CBX5: variants seen among roughly 807,000 people sequenced by gnomAD.
CBX5 encodes chromobox protein homolog 5.
CBX5 carries 7 observed loss-of-function variants against 20.7 expected under a neutral mutation model. The ratio of observed to expected loss-of-function variants is 0.34; its 90% CI spans 0.19 to 0.63. The LOEUF is 0.63. Among genes scored for constraint, CBX5 ranks in the 30% least tolerant of loss-of-function variants. CBX5 has a pLI of 0.75. For synonymous variants in CBX5, 78 were observed against 77.0 expected (o/e 1.01, Z -0.07); for missense variants, 110 against 224.1 (o/e 0.49, Z 3.25).
chr12:54,261,555 A>G (rs968188687), intron 1 of CBX5, among the ~76,000 whole-genome samples: 1 of 152,190 alleles, frequency 6.6e-6, no homozygotes, highest in Admixed American at 6.5e-5. Context: ...TGGGCCTCCC[A>G]AAGTGCTGGG....
rs1015281595 is a variant in CBX5, at chr12:54,238,294, C to T, written c.*3461G>A. The T allele has an allele frequency of 2.6e-5, 4 of 152,104 alleles. No individual in the cohort carries two copies. The highest frequency in any genetic ancestry group is 9.7e-5 in the African/African-American group (4 of 41,424). 9.4% of individuals were successfully genotyped at this position (152,104 alleles called of 1,614,324 possible). On this transcript the variant is annotated 3_prime_UTR_variant, in exon 5 of 5. Coordinates refer to ENST00000209875, the MANE Select transcript of CBX5 (RefSeq NM_012117.3). ...TGAGACTACCTCCAAGAATCATCCA[C>T]GGAAGGATGTCAGCCATTTAACCAG...
chr12:54,277,682 A>G (rs1944083607), intron 1 of CBX5, among the ~76,000 whole-genome samples: 1 of 152,228 alleles, frequency 6.6e-6, no homozygotes. Context: ...ATTAAATGGA[A>G]CAATGATCAA....
At chr12:54,251,482 GCACTCCAGC>G (rs1943801704) in intron 3 of CBX5, among the ~76,000 whole-genome samples, 1 of 138,514 alleles carries the variant, frequency 7.2e-6, no homozygotes, top group East Asian at 2.1e-4. Context: ...TAGTGCCACT[GCACTCCAGC>G]CTGGGTGACA....
chr12:54,239,511 G>C lies in CBX5; in HGVS notation c.*2244C>G, dbSNP rs1477219922. On this transcript the variant is annotated 3_prime_UTR_variant, in exon 5 of 5. Coordinates refer to ENST00000209875, the MANE Select transcript of CBX5 (RefSeq NM_012117.3). ...TCTGGCCTATTTTTGTCCTATTCTT[G>C]TCTACCCTAATTGATATCCTTGGCT... 1 of 152,104 alleles carries C rather than the reference G, an allele frequency of 6.6e-6. No homozygotes were observed. The highest frequency in any genetic ancestry group is 2.4e-5 in the African/African-American group (1 of 41,414). 9.4% of individuals were successfully genotyped at this position (152,104 alleles called of 1,614,324 possible).
intron 3 of CBX5, among the ~76,000 whole-genome samples, chr12:54,251,092 T>C (rs1300899305): frequency 6.6e-6 from 1 of 151,072 alleles, no homozygotes; most frequent in South Asian, 2.1e-4. Context: ...GATCGCACTA[T>C]TGCACTCAAG....
rs879083050 is a variant in CBX5, at chr12:54,239,230, C to T, written c.*2525G>A. 3.9e-5 allele frequency: 6 copies of T among 152,124 alleles called. 1 individual carries two copies. Among genetic ancestry groups the T allele is most frequent in the Admixed American group, 2.0e-4 (3 of 15,272 alleles). The allele number at this position is 152,124 out of a possible 1,614,324, so 9.4% of individuals were successfully genotyped here. A position where few individuals can be genotyped will look rare whatever the true frequency, so the allele number is the denominator to read the frequency against. ...GTAGTAGATGATACTGGGGTTATTT[C>T]GGTAAAAGAATATCAGATTTTTATG... On this transcript the variant is annotated 3_prime_UTR_variant, in exon 5 of 5. Coordinates refer to ENST00000209875, the MANE Select transcript of CBX5 (RefSeq NM_012117.3).
At chr12:54,267,010 G>A (rs1439502659) in intron 1 of CBX5, among the ~76,000 whole-genome samples, 3 of 152,152 alleles carry the variant, frequency 2.0e-5, no homozygotes, top group African/African-American at 4.8e-5. Context: ...ACCACCATGG[G>A]AAAATGCCTT....
In CBX5 at chr12:54,240,399, A is replaced by C. The variant is rs922241908; in HGVS notation, c.*1356T>G. The C allele has an allele frequency of 1.3e-5, 2 of 152,078 alleles. No individual in the cohort carries two copies. Among genetic ancestry groups the C allele is most frequent in the Non-Finnish European group, 2.9e-5 (2 of 68,002 alleles). The allele number at this position is 152,078 out of a possible 1,614,324, so 9.4% of individuals were successfully genotyped here. ...CAGGAACATGCCTTTATTTTTATTT[A>C]TATTTTTTAGAGACAGGGGGTCTCA... On this transcript the variant is annotated 3_prime_UTR_variant, in exon 5 of 5. Coordinates refer to ENST00000209875, the MANE Select transcript of CBX5 (RefSeq NM_012117.3).
intron 1 of CBX5, among the ~76,000 whole-genome samples, chr12:54,264,448 G>A (rs1023268605): frequency 2.0e-5 from 3 of 152,102 alleles, no homozygotes; most frequent in South Asian, 2.1e-4. Context: ...TACCAATTCT[G>A]GTGGCTTTTC....
chr12:54,241,273 G>C lies in CBX5; in HGVS notation c.*482C>G, dbSNP rs1421209163. 2.0e-5 allele frequency: 3 copies of C among 152,556 alleles called. No individual in the cohort carries two copies. Among genetic ancestry groups the C allele is most frequent in the Non-Finnish European group, 4.4e-5 (3 of 68,376 alleles). 9.5% of individuals were successfully genotyped at this position (152,556 alleles called of 1,614,324 possible). On this transcript the variant is annotated 3_prime_UTR_variant, in exon 5 of 5. Transcript: ENST00000209875. ...CCCCAACAGGTAGGCAGTTGCTATTGGCTTTTTAACAGATGGGCAACATCC... is the reference window on the plus strand; with the variant it reads ...CCCCAACAGGTAGGCAGTTGCTATTCGCTTTTTAACAGATGGGCAACATCC...
intron 1 of CBX5, among the ~76,000 whole-genome samples, chr12:54,268,026 C>A (rs1001223250): frequency 3.9e-5 from 6 of 152,032 alleles, no homozygotes. Context: ...CGCCTGTAAT[C>A]CCAGTTACTC....
chr12:54,246,016 A>T, intron 4 of CBX5, 99 bp downstream of exon 4: 1 of 810,042 alleles, frequency 1.2e-6, no homozygotes, highest in Non-Finnish European at 2.1e-6. Context: ...TTCAAAATTC[A>T]TGGTTTGGGA....
At chr12:54,263,167 C>G (rs1475381382) in intron 1 of CBX5, among the ~76,000 whole-genome samples, 1 of 152,012 alleles carries the variant, frequency 6.6e-6, no homozygotes, top group East Asian at 1.9e-4. Context: ...TCCAGACCAA[C>G]CTGGCCAACA....
chr12:54,274,849 A>G (rs1034261289), intron 1 of CBX5, among the ~76,000 whole-genome samples: 5 of 152,038 alleles, frequency 3.3e-5, no homozygotes, highest in African/African-American at 1.2e-4. Context: ...CTGAGGCAGG[A>G]GGATCGCTTG....
intron 4 of CBX5, among the ~76,000 whole-genome samples, chr12:54,243,151 T>C (rs138281707): frequency 6.9e-4 from 104 of 151,486 alleles, no homozygotes; most frequent in Non-Finnish European, 1.2e-3. Context: ...AAAAACAAAA[T>C]AGAATTATCC....
At chr12:54,268,008 G>C (rs1943973051) in intron 1 of CBX5, among the ~76,000 whole-genome samples, 1 of 152,172 alleles carries the variant, frequency 6.6e-6, no homozygotes, top group Admixed American at 6.5e-5. Flanking sequence ...GTCAGGCGTG[G>C]TGGTGGGCGC....
intron 1 of CBX5, among the ~76,000 whole-genome samples, chr12:54,268,995 G>A (rs1422957592): frequency 6.6e-6 from 1 of 152,220 alleles, no homozygotes; most frequent in African/African-American, 2.4e-5. Flanking sequence ...AGGCACGGTG[G>A]CTCACGCCTA....
chr12:54,243,367 G>A (rs116138839), intron 4 of CBX5, among the ~76,000 whole-genome samples: 2 of 152,028 alleles, frequency 1.3e-5, no homozygotes, highest in East Asian at 1.9e-4. Flanking sequence ...CTTGAGCCCG[G>A]GGCAACATAG....
At position 54,232,968 on chromosome 12, in the gene CBX5, T is replaced by C. The variant is rs1056010; in HGVS notation, c.*8787A>G. The C allele has an allele frequency of 0.49, 74,703 of 151,812 alleles. 19,629 individuals are homozygous for C. The highest frequency in any genetic ancestry group is 0.67 in the African/African-American group (27,582 of 41,352). 9.4% of individuals were successfully genotyped at this position (151,812 alleles called of 1,614,324 possible). ...CAATGAATAAGAACCTTTTCCCCAG[T>C]GGTGGTTCTTGGTAGCGCTCTTATA... On this transcript the variant is annotated 3_prime_UTR_variant, in exon 5 of 5. Transcript: ENST00000209875.
Sources: allele counts gnomAD v4.1 joint callset (sites outside exome capture counted in the v4.1 genomes callset), GRCh38; gene constraint gnomAD v4.1.1; transcripts MANE v1.5; gene names NCBI Gene and HGNC (gene_info 2026-07-23, HGNC 2026-07-21).